The following NFIC variants were observed in gnomAD, a reference collection of about 807,000 sequenced individuals.
NFIC encodes nuclear factor 1 C-type.
In NFIC, 12 loss-of-function variants were observed where a neutral mutation model predicts 54.4. The observed-to-expected ratio is 0.22, with a 90% CI of 0.14 to 0.36. The LOEUF (loss-of-function observed/expected upper bound fraction) is 0.36, where lower values mean the gene tolerates loss of function less well. NFIC is among the 10% of genes least tolerant of loss of function. The pLI, the probability that NFIC is intolerant of heterozygous loss-of-function variation, is 1.00. For missense variants in NFIC, 575 were observed against 718.2 expected (o/e 0.80, Z 2.28); for synonymous variants, 322 against 319.2 (o/e 1.01, Z -0.09).
chr19:3,424,715 G>A (rs2082001423), intron 2 of NFIC, among the ~76,000 whole-genome samples: 1 of 152,196 alleles, frequency 6.6e-6, no homozygotes, highest in South Asian at 2.1e-4. Context: ...GCTCAGAGAA[G>A]GCAAGCGACT....
chr19:3,425,038 C>T (rs2082006080), intron 2 of NFIC, 68 bp from the exon 3 acceptor site: 13 of 1,553,306 alleles, frequency 8.4e-6, no homozygotes, highest in Middle Eastern at 1.7e-4. Flanking sequence ...CCACCAGCAT[C>T]GACACTTCAT....
chr19:3,377,258 C>T (rs1208101696), intron 1 of NFIC, among the ~76,000 whole-genome samples: 3 of 131,846 alleles, frequency 2.3e-5, no homozygotes, highest in Non-Finnish European at 3.1e-5. Context: ...GGCGTGAACC[C>T]GGGAGGTAGA....
intron 1 of NFIC, chr19:3,371,254 C>G (rs1191248521): frequency 6.6e-6 from 1 of 151,926 alleles, no homozygotes; most frequent in Non-Finnish European, 1.5e-5. Context: ...CCGTTTCTTG[C>G]CCTGAAATGA....
At chr19:3,379,057 T>C (rs1011598303) in intron 1 of NFIC, among the ~76,000 whole-genome samples, 2 of 151,994 alleles carry the variant, frequency 1.3e-5, no homozygotes, top group Non-Finnish European at 1.5e-5. Context: ...CATTTTTTGT[T>C]TTTTTGTTTT....
intron 1 of NFIC, among the ~76,000 whole-genome samples, chr19:3,368,673 C>T (rs2080940816): frequency 6.6e-6 from 1 of 152,128 alleles, no homozygotes; most frequent in Admixed American, 6.5e-5. Context: ...TGGGGACCCC[C>T]TTTCCAGTTT....
At position 3,434,365 on chromosome 19, in the gene NFIC, C is replaced by T. The variant is rs771795934; in HGVS notation, c.798C>T (p.Gly266=). The change falls in exon 5 of 11, where the codon GGC becomes GGT. Residue 266 remains glycine, a synonymous_variant. Coordinates refer to ENST00000443272, the MANE Select transcript of NFIC (RefSeq NM_001245002.2). ...ACGACCTGAACCCAGCCAGCACTGGCCTCAGAAGAACGCTGCCCAGCACCT... is the reference window on the plus strand; with the variant it reads ...ACGACCTGAACCCAGCCAGCACTGGTCTCAGAAGAACGCTGCCCAGCACCT... ...LAYDLNPAST[G]LRRTLPSTSS... is the part of the protein sequence containing the mutation. The T allele has an allele frequency of 6.2e-7, 1 of 1,612,934 alleles. No individual in the cohort carries two copies. Among genetic ancestry groups the T allele is most frequent in the Non-Finnish European group, 8.5e-7 (1 of 1,179,576 alleles).
In NFIC at chr19:3,467,758, CATATATATATAT is replaced by C. The variant is rs551667735; in HGVS notation, c.*5009_*5020del. 1.9e-4 allele frequency: 13 copies of C among 69,636 alleles called. No homozygotes were observed. The highest frequency in any genetic ancestry group is 7.7e-4 in the East Asian group (1 of 1,300). 4.3% of individuals were successfully genotyped at this position (69,636 alleles called of 1,614,324 possible). A position where few individuals can be genotyped will look rare whatever the true frequency, so the allele number is the denominator to read the frequency against. ...ACCTCCAGTGTAGGGCTATACTATACATATATATATATATATATATATATATATATAATTTTG... is the reference window on the plus strand; with the variant it reads ...ACCTCCAGTGTAGGGCTATACTATACATATATATATATATATATAATTTTG... On this transcript the variant is annotated 3_prime_UTR_variant, in exon 11 of 11. Transcript: ENST00000443272.
chr19:3,456,838 G>A (rs1206880563), intron 10 of NFIC: 2 of 607,684 alleles, frequency 3.3e-6, no homozygotes, highest in South Asian at 1.9e-5. Flanking sequence ...GTCCTGGGGG[G>A]ATGGGGTGTG....
chr19:3,436,264 C>T (rs1479755479), intron 6 of NFIC, among the ~76,000 whole-genome samples: 12 of 151,818 alleles, frequency 7.9e-5, no homozygotes, highest in Non-Finnish European at 1.5e-5. Context: ...CCTGCCTCAG[C>T]CTCCCAAGTA....
intron 2 of NFIC, among the ~76,000 whole-genome samples, chr19:3,402,992 T>G (rs1168956093): frequency 1.3e-5 from 2 of 152,152 alleles, no homozygotes; most frequent in Non-Finnish European, 2.9e-5. Flanking sequence ...TTCCTCACAT[T>G]CCTTTCCCTG....
chr19:3,463,076 C>G lies in NFIC; in HGVS notation c.*307C>G. 7.6e-7 allele frequency: 1 copy of G among 1,310,610 alleles called. No individual in the cohort carries two copies. Among genetic ancestry groups the G allele is most frequent in the South Asian group, 1.9e-5 (1 of 53,054 alleles). 81.2% of individuals were successfully genotyped at this position (1,310,610 alleles called of 1,614,324 possible). On this transcript the variant is annotated 3_prime_UTR_variant, in exon 11 of 11. Transcript: ENST00000443272. ...GGACTGGAGGGCCAGGCCCCGCCAC[C>G]CCCACGGGAGACCCGGGACAGGGCG...
Position 3,458,630 on chromosome 19 carries a change from T to C in NFIC, c.1509+1995T>C, listed in dbSNP as rs1599730894. 8.6e-6 allele frequency among the ~76,000 whole-genome samples: 1 copy of C among 115,748 alleles called. No homozygotes were observed. The highest frequency in any genetic ancestry group is 1.9e-5 in the Non-Finnish European group (1 of 53,150). The allele number at this position is 115,748 out of a possible 152,430, so 75.9% of individuals were successfully genotyped here. A position where few individuals can be genotyped will look rare whatever the true frequency, so the allele number is the denominator to read the frequency against. On this transcript the variant is annotated intron_variant, in intron 10 of 10. Coordinates refer to ENST00000443272, the MANE Select transcript of NFIC (RefSeq NM_001245002.2). The surrounding 1 kb of genome is among the most constrained non-coding windows in gnomAD (Gnocchi z 4.1). ...TGGGACCAGGGCTGGCAGAATGGGG[T>C]GTGGGGGGGCACTGGCAAGGGGCTC...
At chr19:3,422,288 G>A (rs12983881) in intron 2 of NFIC, among the ~76,000 whole-genome samples, 137,146 of 151,240 alleles carry the variant, frequency 0.91, 62,264 homozygotes, top group East Asian at 0.93. Flanking sequence ...TGCCCTGGCT[G>A]GTCTCGAACT....
At chr19:3,442,696 C>G (rs969186934) in intron 6 of NFIC, among the ~76,000 whole-genome samples, 22 of 151,940 alleles carry the variant, frequency 1.4e-4, no homozygotes, top group African/African-American at 5.3e-4. Context: ...CCGCCCATCC[C>G]TTTTTTTAAC....
intron 1 of NFIC, among the ~76,000 whole-genome samples, chr19:3,360,140 C>G (rs2080791188): frequency 6.9e-6 from 1 of 145,020 alleles, no homozygotes; most frequent in Non-Finnish European, 1.5e-5. Context: ...TCGCGGCGGC[C>G]CCCGCGGGGT....
At chr19:3,385,769 T>C (rs2081287345) in intron 2 of NFIC, among the ~76,000 whole-genome samples, 1 of 151,934 alleles carries the variant, frequency 6.6e-6, no homozygotes, top group South Asian at 2.1e-4. Context: ...GACGGGGTTT[T>C]GCATGTTGGC....
chr19:3,363,234 T>TGTGTGTGTGTGTGC (rs199853260), upstream of NFIC, among the ~76,000 whole-genome samples: 130 of 62,242 alleles, frequency 2.1e-3, 5 homozygotes, highest in African/African-American at 9.2e-3. Flanking sequence ...TGTATGTGTA[T>TGTGTGTGTGTGTGC]GTGTGTGTAT....
intron 6 of NFIC, among the ~76,000 whole-genome samples, chr19:3,440,407 G>A (rs542617833): frequency 1.3e-5 from 2 of 151,906 alleles, no homozygotes; most frequent in Admixed American, 6.6e-5. Flanking sequence ...GGGAGAAGGT[G>A]CGTGACCCCT....
At chr19:3,421,785 T>C (rs909760684) in intron 2 of NFIC, among the ~76,000 whole-genome samples, 1 of 152,182 alleles carries the variant, frequency 6.6e-6, no homozygotes, top group African/African-American at 2.4e-5. Context: ...ATGGTCTCCA[T>C]TTATTTTTTT....
Sources: gnomAD v4.1 joint callset for allele counts (sites outside exome capture counted in the v4.1 genomes callset) on GRCh38, gnomAD v4.1.1 for gene constraint, Gnocchi (gnomAD v3.1) non-coding constraint, MANE v1.5 for transcripts, NCBI Gene and HGNC (gene_info 2026-07-23, HGNC 2026-07-21) for gene names.